ANKRD17: variants seen among roughly 807,000 people sequenced by gnomAD.
ANKRD17 encodes ankyrin repeat domain 17, also known as ankyrin repeat domain-containing protein 17.
Under a neutral mutation model 229.7 loss-of-function variants are expected in ANKRD17, and 19 were observed. The observed-to-expected ratio is 0.08, with a 90% confidence interval of 0.06 to 0.12. ANKRD17 has a LOEUF of 0.12. ANKRD17 is among the 10% of genes least tolerant of loss of function. The probability of loss-of-function intolerance (pLI) is 1.00; values close to 1 mark genes in which losing one functional copy is unlikely to be tolerated. For synonymous variants in ANKRD17, 1,112 were observed against 1,146.1 expected (o/e 0.97, Z 0.60); for missense variants, 2,176 against 3,176.8 (o/e 0.68, Z 7.57).
chr4:73,199,346 G>C (rs1241901285), intron 1 of ANKRD17, among the ~76,000 whole-genome samples: 1 of 152,080 alleles, frequency 6.6e-6, no homozygotes, highest in African/African-American at 2.4e-5. Flanking sequence ...AGAAAGGCGA[G>C]ATGCCAAGCA....
chr4:73,134,719 T>A (rs1728668854), intron 16 of ANKRD17, among the ~76,000 whole-genome samples: 1 of 151,930 alleles, frequency 6.6e-6, no homozygotes. Context: ...ATATCAATCA[T>A]GTGTATGACA....
intron 24 of ANKRD17, among the ~76,000 whole-genome samples, chr4:73,109,919 A>C (rs1725096834): frequency 6.6e-6 from 1 of 151,684 alleles, no homozygotes; most frequent in East Asian, 1.9e-4. Context: ...AAAAGATAGA[A>C]AGCAATAATC....
chr4:73,142,593 A>C (rs771382224), intron 12 of ANKRD17, 47 bp downstream of exon 12: 3 of 1,613,252 alleles, frequency 1.9e-6, no homozygotes, highest in Non-Finnish European at 2.5e-6. Context: ...AATGACCAAG[A>C]GAGAAATACT....
At chr4:73,126,250 T>A (rs1578129108) in intron 16 of ANKRD17, among the ~76,000 whole-genome samples, 1 of 152,116 alleles carries the variant, frequency 6.6e-6, no homozygotes, top group East Asian at 1.9e-4. Context: ...GATCAGTCCA[T>A]GTGCATGAGG....
chr4:73,134,535 T>C (rs1273508755), intron 16 of ANKRD17, among the ~76,000 whole-genome samples: 2 of 152,156 alleles, frequency 1.3e-5, no homozygotes, highest in Non-Finnish European at 2.9e-5. Context: ...TAAAAAATTA[T>C]ACTTAATAGC....
rs1286501163 is a variant in ANKRD17, at chr4:73,090,831, T to C, written c.6797A>G (p.His2266Arg). 6.2e-7 allele frequency: 1 copy of C among 1,614,214 alleles called. No homozygotes were observed. The highest frequency in any genetic ancestry group is 1.1e-5 in the South Asian group (1 of 91,086). The change falls in exon 29 of 34, where the codon CAT becomes CGT. Residue 2266 changes from histidine (H) to arginine (R), a missense_variant. Around this residue, in one of 18 missense-constraint regions of ANKRD17, gnomAD observed 424 missense variants for 454.0 expected, o/e 0.93. Coordinates refer to ENST00000358602, the MANE Select transcript of ANKRD17 (RefSeq NM_032217.5). ...AACAACAGATCCTCCCCAGAAGGCA[T>C]GAGCAGAAGTAGGGCTGTTTTCAAA... The part of the protein sequence containing the change: ...TLFENSPTSA[H>R]AFWGGSVVSS...
At chr4:73,138,442 T>C (rs182406898) in intron 15 of ANKRD17, among the ~76,000 whole-genome samples, 1 of 152,262 alleles carries the variant, frequency 6.6e-6, no homozygotes, top group Admixed American at 6.5e-5. Context: ...ATTCTTAGTG[T>C]CTGAACGTTA....
intron 24 of ANKRD17, among the ~76,000 whole-genome samples, chr4:73,112,458 C>A (rs1365762497): frequency 1.3e-5 from 2 of 152,144 alleles, no homozygotes; most frequent in Non-Finnish European, 1.5e-5. Context: ...TCTCTTAATG[C>A]ACTCATATTC....
In ANKRD17 at chr4:73,102,653, A is replaced by G. The variant is rs894746614; in HGVS notation, c.4402-106T>C. The G allele has an allele frequency of 8.5e-6, 11 of 1,293,848 alleles. No homozygotes were observed. In the African/African-American group the frequency reaches 1.2e-4, roughly 14 times the overall value. 80.1% of individuals were successfully genotyped at this position (1,293,848 alleles called of 1,614,324 possible). ...AGGAAACCATGATATCATAAAATTC[A>G]AAGTCATCTAGTTCAATTCATTGTT... On this transcript the variant is annotated intron_variant, in intron 24 of 33. Coordinates refer to ENST00000358602, the MANE Select transcript of ANKRD17 (RefSeq NM_032217.5).
intron 3 of ANKRD17, among the ~76,000 whole-genome samples, chr4:73,156,515 C>T (rs1560613843): frequency 6.6e-6 from 1 of 152,120 alleles, no homozygotes; most frequent in African/African-American, 2.4e-5. Context: ...GGGAAGGGAC[C>T]TGGTGGGAGA....
intron 24 of ANKRD17, among the ~76,000 whole-genome samples, chr4:73,109,082 C>T (rs893767315): frequency 6.6e-6 from 1 of 152,080 alleles, no homozygotes; most frequent in Non-Finnish European, 1.5e-5. Context: ...GGCAGATTGC[C>T]TGAGGTCAGG....
intron 1 of ANKRD17, among the ~76,000 whole-genome samples, chr4:73,202,320 A>T (rs1416018992): frequency 3.4e-4 from 2 of 5,852 alleles, no homozygotes; most frequent in East Asian, 8.3e-3. Flanking sequence ...AACAGGATTA[A>T]AAAAAAAAAA....
Position 73,076,170 on chromosome 4 carries a change from T to C in ANKRD17, c.*61A>G, listed in dbSNP as rs569692022. On this transcript the variant is annotated 3_prime_UTR_variant, in exon 34 of 34. Coordinates refer to ENST00000358602, the MANE Select transcript of ANKRD17 (RefSeq NM_032217.5). ...TGATTTGGGAGCATAATTTTTTTTT[T>C]CGGCCACTTGTGATTTCCTCCAAAT... 9.6e-4 allele frequency: 1,445 copies of C among 1,500,992 alleles called. 32 individuals carry two copies. The South Asian group carries it at 0.016, about 17-fold the overall frequency. 93.0% of individuals were successfully genotyped at this position (1,500,992 alleles called of 1,614,324 possible).
At chr4:73,222,893 T>C (rs1018205627) in intron 1 of ANKRD17, 15 of 1,134,424 alleles carry the variant, frequency 1.3e-5, no homozygotes, top group Non-Finnish European at 1.8e-5. Context: ...CTCTAATCTA[T>C]TCATCTGTAA....
At position 73,073,799 on chromosome 4, in the gene ANKRD17, T is replaced by G. The variant is rs1720853104; in HGVS notation, c.*2432A>C. ...AATGTGGAATTTTGTTGGGAATGGA[T>G]GGTATAAACTGATTATACAATAATT... On this transcript the variant is annotated 3_prime_UTR_variant, in exon 34 of 34. Coordinates refer to ENST00000358602, the MANE Select transcript of ANKRD17 (RefSeq NM_032217.5). 6.6e-6 allele frequency: 1 copy of G among 151,998 alleles called. No individual in the cohort carries two copies. The highest frequency in any genetic ancestry group is 2.1e-4 in the South Asian group (1 of 4,836). The allele number at this position is 151,998 out of a possible 1,614,324, so 9.4% of individuals were successfully genotyped here. A position where few individuals can be genotyped will look rare whatever the true frequency, so the allele number is the denominator to read the frequency against.
intron 1 of ANKRD17, among the ~76,000 whole-genome samples, chr4:73,252,330 C>T (rs1745100114): frequency 6.6e-6 from 1 of 152,162 alleles, no homozygotes; most frequent in African/African-American, 2.4e-5. Context: ...GGCTGGTTTA[C>T]CAGAAAGATG....
intron 2 of ANKRD17, among the ~76,000 whole-genome samples, chr4:73,169,614 C>G (rs887371183): frequency 6.6e-6 from 1 of 152,190 alleles, no homozygotes; most frequent in Admixed American, 6.5e-5. Flanking sequence ...AACCCAAAAT[C>G]AGGTGAGCAC....
At chr4:73,189,018 G>A (rs1295321060) in intron 1 of ANKRD17, among the ~76,000 whole-genome samples, 1 of 152,138 alleles carries the variant, frequency 6.6e-6, no homozygotes, top group African/African-American at 2.4e-5. Context: ...CAACGTCAAT[G>A]ACAGATAAAT....
In ANKRD17 at chr4:73,119,663, C is replaced by T. The variant is rs117310209; in HGVS notation, c.4025+499G>A. On this transcript the variant is annotated intron_variant, in intron 21 of 33. Coordinates refer to ENST00000358602, the MANE Select transcript of ANKRD17 (RefSeq NM_032217.5). The stretch of plus-strand genomic sequence containing the variant: ...CCATGCAAAGGTCTTTGAGAGTGCA[C>T]GAAAACAAGTTAAACAGACAAGCAT... Among the ~76,000 whole-genome samples, 300 of 152,228 alleles carry T rather than the reference C, an allele frequency of 2.0e-3. 14 individuals carry two copies. In the East Asian group the frequency reaches 0.039, roughly 20 times the overall value.
Sources: allele counts gnomAD v4.1 joint callset (sites outside exome capture counted in the v4.1 genomes callset), GRCh38; gene constraint gnomAD v4.1.1; regional missense constraint gnomAD v4.1.1; transcripts MANE v1.5; gene names NCBI Gene and HGNC (gene_info 2026-07-23, HGNC 2026-07-21).